RBM25: variants seen among roughly 807,000 people sequenced by gnomAD.
RBM25 encodes the protein RNA-binding protein 25.
Under a neutral mutation model 120.7 loss-of-function variants are expected in RBM25, and 19 were observed. The observed-to-expected ratio is 0.16, with a 90% confidence interval of 0.11 to 0.23. The LOEUF (loss-of-function observed/expected upper bound fraction) is 0.23. RBM25 is among the 10% of genes least tolerant of loss of function. The pLI is 1.00. For missense variants in RBM25, 605 were observed against 1,041.5 expected, an observed-to-expected ratio of 0.58 and a Z score of 5.77; for synonymous variants, 390 against 326.7, an observed-to-expected ratio of 1.19 and a Z score of -2.09.
chr14:73,087,696 A>G (rs556805173), intron 5 of RBM25, among the ~76,000 whole-genome samples: 41 of 152,320 alleles, frequency 2.7e-4, no homozygotes, highest in African/African-American at 7.7e-4. Context: ...CGCCCGGCCA[A>G]TTGACTCCTT....
In RBM25 at chr14:73,088,175, C is replaced by T. The variant is rs538062723; in HGVS notation, c.543+14C>T. The T allele has an allele frequency of 2.0e-5, 33 of 1,613,326 alleles. No individual in the cohort carries two copies. The highest frequency in any genetic ancestry group is 4.5e-5 in the East Asian group (2 of 44,886). ...GCTTCTAATGGGGTATGTTTTCTGTCGTGTTATCTTTTCTAGGCCAGACTG... is the reference window on the plus strand; with the variant it reads ...GCTTCTAATGGGGTATGTTTTCTGTTGTGTTATCTTTTCTAGGCCAGACTG... On this transcript the variant is annotated intron_variant, in intron 6 of 18. Transcript: ENST00000261973.
chr14:73,117,741 C>T (rs1052220129), intron 18 of RBM25, among the ~76,000 whole-genome samples: 1 of 152,146 alleles, frequency 6.6e-6, no homozygotes, highest in East Asian at 1.9e-4. Context: ...CAATTTGAAC[C>T]TATGTAGCCT....
intron 16 of RBM25, 133 bp downstream of exon 16, chr14:73,111,935 A>T (rs1896317911): frequency 8.2e-7 from 1 of 1,221,332 alleles, no homozygotes; most frequent in African/African-American, 1.5e-5. Flanking sequence ...CTTGACACCA[A>T]CTCAATGCCA....
chr14:73,098,584 CA>C (rs1214174048), intron 7 of RBM25, among the ~76,000 whole-genome samples: 1 of 152,146 alleles, frequency 6.6e-6, no homozygotes. Context: ...CAGATACATA[CA>C]TTTTTATTAT....
intron 2 of RBM25, among the ~76,000 whole-genome samples, chr14:73,072,968 C>T (rs917112027): frequency 6.6e-6 from 1 of 151,930 alleles, no homozygotes; most frequent in Non-Finnish European, 1.5e-5. Flanking sequence ...ACTTTGTTGC[C>T]CAGACTGGAG....
At chr14:73,113,146 C>T (rs1269906595) in intron 17 of RBM25, among the ~76,000 whole-genome samples, 2 of 152,048 alleles carry the variant, frequency 1.3e-5, no homozygotes, top group African/African-American at 4.8e-5. Flanking sequence ...CCCCACCCGC[C>T]GACAGGCCCA....
Position 73,109,565 on chromosome 14 carries a change from G to A in RBM25, c.1692+73G>A, listed in dbSNP as rs1896261708. ...TCCCAGCTCTTTGGGAGGCCGAGGCGGGCGGATCACGAGGTCGGGAGATCG... is the reference window on the plus strand; with the variant it reads ...TCCCAGCTCTTTGGGAGGCCGAGGCAGGCGGATCACGAGGTCGGGAGATCG... On this transcript the variant is annotated intron_variant, in intron 14 of 18. Transcript: ENST00000261973. The A allele has an allele frequency of 2.7e-5, 39 of 1,426,718 alleles. No homozygotes were observed. The South Asian group carries it at 3.7e-4, about 13-fold the overall frequency. The allele number at this position is 1,426,718 out of a possible 1,614,324, so 88.4% of individuals were successfully genotyped here. A position where few individuals can be genotyped will look rare whatever the true frequency, so the allele number is the denominator to read the frequency against.
Position 73,103,257 on chromosome 14 carries a change from A to G in RBM25, c.933A>G (p.Glu311=), listed in dbSNP as rs544146835. 6 of 1,601,908 alleles carry G rather than the reference A, an allele frequency of 3.7e-6. No individual in the cohort carries two copies. In the East Asian group the frequency reaches 1.3e-4, roughly 36 times the overall value. ...AGGAAATTGAGAAAGAACGGAGAGA[A>G]AGAGAGAGGGAGCGTGAAAGGGAAC... ...ERQEIEKERR[E]RERERERERE... The change falls in exon 10 of 19, where the codon GAA becomes GAG. Residue 311 remains glutamate (E), a synonymous_variant. Transcript: ENST00000261973.
Position 73,115,243 on chromosome 14 carries a change from G to A in RBM25, c.2439+910G>A, listed in dbSNP as rs540451179. Among the ~76,000 whole-genome samples, 6 of 151,764 alleles carry A rather than the reference G, an allele frequency of 4.0e-5. No homozygotes were observed. The South Asian group carries it at 1.3e-3, about 32-fold the overall frequency. On this transcript the variant is annotated intron_variant, in intron 18 of 18. Coordinates refer to ENST00000261973, the MANE Select transcript of RBM25 (RefSeq NM_021239.3). ...TACATAGGTAAACTTGTGTCATGGG[G>A]GTTTGTTGAACAGATTATTTCATCA...
chr14:73,099,574 CTT>C, intron 8 of RBM25, 91 bp from the exon 9 acceptor site: 1 of 1,585,710 alleles, frequency 6.3e-7, no homozygotes. Context: ...CTTATTTACT[CTT>C]TGAGACCTAT....
chr14:73,088,229 T>C (rs1332106931), intron 6 of RBM25, 68 bp downstream of exon 6: 40 of 1,560,634 alleles, frequency 2.6e-5, no homozygotes, highest in Middle Eastern at 1.7e-4. Context: ...CTTCTCATTA[T>C]AAATGAATCT....
At chr14:73,068,950 C>T (rs1895210107) in intron 1 of RBM25, among the ~76,000 whole-genome samples, 1 of 152,182 alleles carries the variant, frequency 6.6e-6, no homozygotes, top group Non-Finnish European at 1.5e-5. Flanking sequence ...GTCACCCAGG[C>T]TGGAGTGTAG....
At chr14:73,112,950 T>A (rs939186325) in intron 17 of RBM25, among the ~76,000 whole-genome samples, 2 of 152,126 alleles carry the variant, frequency 1.3e-5, no homozygotes, top group Admixed American at 1.3e-4. Context: ...ACTATAGGCA[T>A]ATGCCACCAC....
At chr14:73,101,836 A>G (rs1474934221) in intron 9 of RBM25, 4 of 152,304 alleles carry the variant, frequency 2.6e-5, no homozygotes, top group African/African-American at 2.4e-5. Context: ...AAATTTTTAT[A>G]TTCATTGGAA....
At chr14:73,094,833 G>GTGTGTGTC (rs1216502954) in intron 6 of RBM25, among the ~76,000 whole-genome samples, 1 of 134,122 alleles carries the variant, frequency 7.5e-6, no homozygotes, top group Non-Finnish European at 1.8e-5. Context: ...GTGTGTGTGT[G>GTGTGTGTC]TGTGTGTGTC....
Position 73,096,070 on chromosome 14 carries a change from C to T in RBM25, c.544-845C>T, listed in dbSNP as rs371565972. On this transcript the variant is annotated intron_variant, in intron 6 of 18. Coordinates refer to ENST00000261973, the MANE Select transcript of RBM25 (RefSeq NM_021239.3). ...TCTGCTCACTGCAACCACTGCCTTC[C>T]GGTTTTAAGCGATTCTCCTGCCTCA... Among the ~76,000 whole-genome samples the T allele has an allele frequency of 7.6e-4, 116 of 152,176 alleles. 5 individuals are homozygous for T. In the South Asian group the frequency reaches 0.023, roughly 30 times the overall value.
At chr14:73,113,462 G>C (rs1001247031) in intron 17 of RBM25, among the ~76,000 whole-genome samples, 4 of 151,770 alleles carry the variant, frequency 2.6e-5, no homozygotes, top group Non-Finnish European at 5.9e-5. Flanking sequence ...GAGGCCAATG[G>C]GGCAGAACAC....
chr14:73,110,629 A>G (rs1410397561), intron 14 of RBM25, among the ~76,000 whole-genome samples: 1 of 151,926 alleles, frequency 6.6e-6, no homozygotes, highest in Non-Finnish European at 1.5e-5. Context: ...GCGTTTCACC[A>G]TGTTGGCCAA....
rs772584099 is a variant in RBM25, at chr14:73,103,326, A to G, written c.1002A>G (p.Glu334=). ...ERERERERER[E]REKEKERERE... ...AACGAGAAAGGGAAAGAGAACGTGA[A>G]CGAGAAAAGGAGAAAGAACGGGAGC... Residue 334 remains glutamate, a synonymous_variant, in exon 10 of 19, where the codon GAA becomes GAG. Transcript: ENST00000261973. 1.9e-6 allele frequency: 3 copies of G among 1,587,826 alleles called. No homozygotes were observed. The highest frequency in any genetic ancestry group is 2.6e-6 in the Non-Finnish European group (3 of 1,165,708).
Sources: allele counts gnomAD v4.1 joint callset (sites outside exome capture counted in the v4.1 genomes callset), GRCh38; gene constraint gnomAD v4.1.1; transcripts MANE v1.5; gene names NCBI Gene and HGNC (gene_info 2026-07-23, HGNC 2026-07-21).